The following SLC17A6 variants were observed in gnomAD, a reference collection of about 807,000 sequenced individuals.
SLC17A6 encodes the protein solute carrier family 17 member 6, also known as vesicular glutamate transporter 2.
Under a neutral mutation model 67.1 loss-of-function variants are expected in SLC17A6, and 35 were observed. The ratio of observed to expected loss-of-function variants is 0.52; its 90% CI spans 0.40 to 0.69. The LOEUF is 0.69. SLC17A6 is among the 30% of genes least tolerant of loss of function. SLC17A6 has a pLI of 0.00. For missense variants in SLC17A6, 588 were observed against 723.9 expected, an observed-to-expected ratio of 0.81 and a Z score of 2.15; for synonymous variants, 285 against 252.3, an observed-to-expected ratio of 1.13 and a Z score of -1.23.
At chr11:22,350,846 A>T (rs747630423) in intron 3 of SLC17A6, among the ~76,000 whole-genome samples, 27 of 152,226 alleles carry the variant, frequency 1.8e-4, no homozygotes, top group Non-Finnish European at 3.2e-4. Context: ...TATATATGTG[A>T]CTTCTTTATT....
intron 9 of SLC17A6, among the ~76,000 whole-genome samples, chr11:22,375,226 G>T (rs944321509): frequency 4.0e-5 from 6 of 151,558 alleles, no homozygotes; most frequent in African/African-American, 1.5e-4. Context: ...CAAAAAATTA[G>T]CTGGGCATGG....
At chr11:22,375,523 C>T (rs1856223548) in intron 9 of SLC17A6, among the ~76,000 whole-genome samples, 1 of 151,760 alleles carries the variant, frequency 6.6e-6, no homozygotes, top group Non-Finnish European at 1.5e-5. Flanking sequence ...TCTTGTTGCC[C>T]AGGCTGGAGT....
At chr11:22,340,923 G>T (rs116172306) in intron 1 of SLC17A6, among the ~76,000 whole-genome samples, 6,656 of 152,272 alleles carry the variant, frequency 0.044, 457 homozygotes, top group African/African-American at 0.15. Flanking sequence ...TCCAGGGGGT[G>T]CTCCAGGCTC....
intron 8 of SLC17A6, among the ~76,000 whole-genome samples, chr11:22,373,038 A>G (rs1049226713): frequency 2.0e-5 from 3 of 152,214 alleles, no homozygotes; most frequent in African/African-American, 7.2e-5. Context: ...TTAACCCTGT[A>G]GATTTTTAGC....
chr11:22,363,915 C>T (rs930097096), intron 6 of SLC17A6, among the ~76,000 whole-genome samples: 6 of 152,038 alleles, frequency 3.9e-5, no homozygotes, highest in African/African-American at 1.4e-4. Flanking sequence ...GTTGGTATGG[C>T]TATCCAATTA....
intron 6 of SLC17A6, among the ~76,000 whole-genome samples, chr11:22,364,734 C>G (rs1856090296): frequency 6.6e-6 from 1 of 151,962 alleles, no homozygotes; most frequent in East Asian, 1.9e-4. Context: ...AATGAAATGG[C>G]CAACTGCTGG....
intron 3 of SLC17A6, among the ~76,000 whole-genome samples, chr11:22,348,082 G>C (rs1855898155): frequency 6.6e-6 from 1 of 152,260 alleles, no homozygotes; most frequent in South Asian, 2.1e-4. Context: ...ATTTTACAGA[G>C]CAGGAAATAG....
chr11:22,349,060 GCA>G (rs147808108), intron 3 of SLC17A6, among the ~76,000 whole-genome samples: 4 of 150,422 alleles, frequency 2.7e-5, no homozygotes, highest in East Asian at 1.9e-4. Context: ...ACACACACAT[GCA>G]CACACACACA....
In SLC17A6 at chr11:22,362,812, G is replaced by A. The variant is rs1856067668; in HGVS notation, c.735G>A (p.Val245=). The A allele has an allele frequency of 1.2e-6, 2 of 1,613,506 alleles. No individual in the cohort carries two copies. The highest frequency in any genetic ancestry group is 8.5e-7 in the Non-Finnish European group (1 of 1,179,482). ...TGCAGTACACTGGCTGGTCTTCAGT[G>A]TTTTATGTCTACGGTATGTTATATT... The part of the protein sequence containing the change: ...ILVQYTGWSS[V]FYVYGSFGMV... The change falls in exon 6 of 12, where the codon GTG becomes GTA. Residue 245 remains valine (V), a synonymous_variant. Coordinates refer to ENST00000263160, the MANE Select transcript of SLC17A6 (RefSeq NM_020346.3).
At chr11:22,366,131 T>A (rs1564984948) in intron 7 of SLC17A6, among the ~76,000 whole-genome samples, 1 of 151,750 alleles carries the variant, frequency 6.6e-6, no homozygotes, top group African/African-American at 2.4e-5. Context: ...GAACCCTACA[T>A]ATAATGTTTT....
chr11:22,362,696 A>G (rs1186060565), intron 5 of SLC17A6, 43 bp from the exon 6 acceptor site: 4 of 1,475,778 alleles, frequency 2.7e-6, no homozygotes, highest in Non-Finnish European at 3.8e-6. Context: ...AATAATTTCT[A>G]CTGATTTCAC....
intron 8 of SLC17A6, 93 bp downstream of exon 8, chr11:22,370,281 T>C: frequency 9.8e-7 from 1 of 1,022,110 alleles, no homozygotes; most frequent in Non-Finnish European, 1.4e-6. Context: ...CTTCTAATTT[T>C]CAGAGATTAT....
chr11:22,346,385 T>C (rs1175456208), intron 3 of SLC17A6, among the ~76,000 whole-genome samples: 1 of 152,222 alleles, frequency 6.6e-6, no homozygotes, highest in Non-Finnish European at 1.5e-5. Flanking sequence ...CTGGTTCTTA[T>C]ACTACTCAGA....
In SLC17A6 at chr11:22,378,436, A is replaced by G. The variant is rs1026853848; in HGVS notation, c.*696A>G. On this transcript the variant is annotated 3_prime_UTR_variant, in exon 12 of 12. Coordinates refer to ENST00000263160, the MANE Select transcript of SLC17A6 (RefSeq NM_020346.3). ...TTTACCTAATAGTATGAAACAGTTCACATTTCAATAAAATCAAACTTTTCA... is the reference window on the plus strand; with the variant it reads ...TTTACCTAATAGTATGAAACAGTTCGCATTTCAATAAAATCAAACTTTTCA... The G allele has an allele frequency of 3.3e-5, 5 of 152,618 alleles. No homozygotes were observed. The highest frequency in any genetic ancestry group is 5.9e-5 in the Non-Finnish European group (4 of 68,012). The allele number at this position is 152,618 out of a possible 1,614,324, so 9.5% of individuals were successfully genotyped here. A position where few individuals can be genotyped will look rare whatever the true frequency, so the allele number is the denominator to read the frequency against.
At chr11:22,358,681 G>A (rs1341364827) in intron 3 of SLC17A6, among the ~76,000 whole-genome samples, 1 of 152,026 alleles carries the variant, frequency 6.6e-6, no homozygotes, top group Non-Finnish European at 1.5e-5. Flanking sequence ...ATTTTTACTT[G>A]TAGATGGATA....
intron 2 of SLC17A6, 95 bp from the exon 3 acceptor site, chr11:22,343,152 G>A (rs1041062927): frequency 2.9e-6 from 3 of 1,026,692 alleles, no homozygotes; most frequent in South Asian, 2.7e-5. Context: ...AAGCGCCCAA[G>A]CCTTGGGGGC....
intron 7 of SLC17A6, among the ~76,000 whole-genome samples, chr11:22,366,213 TA>T: frequency 6.6e-6 from 1 of 152,262 alleles, no homozygotes; most frequent in Non-Finnish European, 1.5e-5. Flanking sequence ...CCACAGTGAC[TA>T]ATGCTAAAAT....
At position 22,379,135 on chromosome 11, in the gene SLC17A6, T is replaced by A. The variant is rs1856268491; in HGVS notation, c.*1395T>A. 6.6e-6 allele frequency: 1 copy of A among 152,548 alleles called. No individual in the cohort carries two copies. Among genetic ancestry groups the A allele is most frequent in the Non-Finnish European group, 1.5e-5 (1 of 67,984 alleles). The allele number at this position is 152,548 out of a possible 1,614,324, so 9.4% of individuals were successfully genotyped here. A position where few individuals can be genotyped will look rare whatever the true frequency, so the allele number is the denominator to read the frequency against. On this transcript the variant is annotated 3_prime_UTR_variant, in exon 12 of 12. Transcript: ENST00000263160. The stretch of plus-strand genomic sequence containing the variant: ...GTAGTAGCTGTTTGGGTGGTTGGAA[T>A]AATTTTATTTTTCTTTTAAAAAAGC...
At chr11:22,369,998 TA>T in intron 7 of SLC17A6, 40 bp from the exon 8 acceptor site, 1 of 1,584,174 alleles carries the variant, frequency 6.3e-7, no homozygotes, top group Non-Finnish European at 8.6e-7. Context: ...GGTTTGAAAA[TA>T]TTTAAAATGG....
Sources: allele counts gnomAD v4.1 joint callset (sites outside exome capture counted in the v4.1 genomes callset), GRCh38; gene constraint gnomAD v4.1.1; transcripts MANE v1.5; gene names NCBI Gene and HGNC (gene_info 2026-07-23, HGNC 2026-07-21).